IKBKE: variants seen among roughly 807,000 people sequenced by gnomAD.
IKBKE encodes inhibitor of nuclear factor kappa-B kinase subunit epsilon.
A neutral mutation model predicts 92.1 loss-of-function variants in IKBKE; 45 were observed. The observed-to-expected ratio is 0.49, with a 90% CI of 0.38 to 0.63. The LOEUF (loss-of-function observed/expected upper bound fraction) is 0.63. Among genes scored for constraint, IKBKE ranks in the 20% least tolerant of loss-of-function variants. The probability of loss-of-function intolerance (pLI) is 0.00; values close to 1 mark genes in which losing one functional copy is unlikely to be tolerated. For synonymous variants in IKBKE, 374 were observed against 380.3 expected, an observed-to-expected ratio of 0.98 and a Z score of 0.19; for missense variants, 700 against 932.8, an observed-to-expected ratio of 0.75 and a Z score of 3.25.
At chr1:206,493,843 G>A (rs1284902803) in intron 20 of IKBKE, 77 bp from the exon 21 acceptor site, 10 of 1,087,964 alleles carry the variant, frequency 9.2e-6, no homozygotes, top group East Asian at 4.7e-5. Context: ...TGCAGAGGAG[G>A]GTGGGCCTCC....
In IKBKE at chr1:206,487,352, C is replaced by T. The variant is rs868973586; in HGVS notation, c.1617-562C>T. Among the ~76,000 whole-genome samples, 2 of 152,248 alleles carry T rather than the reference C, an allele frequency of 1.3e-5. No homozygotes were observed. The highest frequency in any genetic ancestry group is 1.5e-5 in the Non-Finnish European group (1 of 68,044). ...CGGGAGATCATCTCCCCAGTTCCTC[C>T]GCCTCCGGGCAGGACCGAGGCCTGT... On this transcript the variant is annotated intron_variant, in intron 15 of 21. Transcript: ENST00000581977. The surrounding 1 kb of genome is among the most constrained non-coding windows in gnomAD (Gnocchi z 5.3).
chr1:206,478,045 C>T lies in IKBKE; in HGVS notation c.813-115C>T. 1.1e-6 allele frequency: 1 copy of T among 894,492 alleles called. No homozygotes were observed. The highest frequency in any genetic ancestry group is 2.3e-5 in the Admixed American group (1 of 43,750). 55.4% of individuals were successfully genotyped at this position (894,492 alleles called of 1,614,324 possible). ...CTCTTCCTCCCCAACCCACCCTGCC[C>T]CACCATCTTGGTCCTAGCTCTTCAG... On this transcript the variant is annotated intron_variant, in intron 8 of 21. Transcript: ENST00000581977. This position sits in a 1 kb window ranked among gnomAD's most constrained non-coding sequence, Gnocchi z 4.8.
chr1:206,477,882 G>A (rs1665157026), intron 8 of IKBKE, 23 bp downstream of exon 8: 2 of 1,453,310 alleles, frequency 1.4e-6, no homozygotes, highest in Non-Finnish European at 9.4e-7. Flanking sequence ...CTGCTGGGGG[G>A]TGATGCTGGA....
At position 206,478,538 on chromosome 1, in the gene IKBKE, G is replaced by T. The variant is rs532962538; in HGVS notation, c.992+199G>T. On this transcript the variant is annotated intron_variant, in intron 9 of 21. Transcript: ENST00000581977. The surrounding 1 kb of genome is among the most constrained non-coding windows in gnomAD (Gnocchi z 4.8). Reference sequence around the variant, plus strand: ...TTCTTGCATGTACTTCAGAGAGTCAGTACCTTTTCTAATGCTAATATGCAT... The same window carrying T: ...TTCTTGCATGTACTTCAGAGAGTCATTACCTTTTCTAATGCTAATATGCAT... Among the ~76,000 whole-genome samples the T allele has an allele frequency of 6.6e-6, 1 of 152,238 alleles. No individual in the cohort carries two copies. The highest frequency in any genetic ancestry group is 1.5e-5 in the Non-Finnish European group (1 of 68,050).
Position 206,478,269 on chromosome 1 carries a change from C to T in IKBKE, c.922C>T (p.Arg308Ter), listed in dbSNP as rs1410830322. The change falls in exon 9 of 22, where the codon CGA becomes TGA. Residue 308 changes from arginine (R) to a stop codon, truncating the protein, a stop_gained. Transcript: ENST00000581977. LOFTEE classifies it high-confidence loss of function. The surrounding 1 kb of genome is among the most constrained non-coding windows in gnomAD (Gnocchi z 4.8). ...TGCGGAGACCAGTGACATCCTGCAG[C>T]GAGTTGTCGTCCATGTCTTCTCCCT... ...FFAETSDILQ[R>*]VVVHVFSLSQ... 3.1e-6 allele frequency: 5 copies of T among 1,614,010 alleles called. No individual in the cohort carries two copies. Among genetic ancestry groups the T allele is most frequent in the African/African-American group, 2.7e-5 (2 of 74,916 alleles).
intron 18 of IKBKE, 43 bp from the exon 19 acceptor site, chr1:206,492,980 C>A: frequency 6.6e-7 from 1 of 1,521,094 alleles, no homozygotes; most frequent in Non-Finnish European, 8.9e-7. Context: ...GGGGAATGGG[C>A]TGAGTCCTGC....
In IKBKE at chr1:206,478,052, C is replaced by CAAG; in HGVS notation, c.813-108_813-107insAAG. On this transcript the variant is annotated intron_variant, in intron 8 of 21. Transcript: ENST00000581977. The surrounding 1 kb of genome is among the most constrained non-coding windows in gnomAD (Gnocchi z 4.8). The stretch of plus-strand genomic sequence containing the variant: ...TCCCCAACCCACCCTGCCCCACCAT[C>CAAG]TTGGTCCTAGCTCTTCAGGATATTC... 1 of 713,356 alleles carries CAAG rather than the reference C, an allele frequency of 1.4e-6. No homozygotes were observed. Among genetic ancestry groups the CAAG allele is most frequent in the Non-Finnish European group, 2.3e-6 (1 of 427,536 alleles). 44.2% of individuals were successfully genotyped at this position (713,356 alleles called of 1,614,324 possible).
intron 16 of IKBKE, among the ~76,000 whole-genome samples, chr1:206,488,503 C>A (rs1190445884): frequency 6.6e-6 from 1 of 152,114 alleles, no homozygotes; most frequent in Admixed American, 6.5e-5. Flanking sequence ...GTGGCAGGGG[C>A]AGCCCATTTA....
At position 206,485,141 on chromosome 1, in the gene IKBKE, C is replaced by G; in HGVS notation, c.1504-53C>G. ...GGGGCCCGTGTTCCAGCCAGCCTGC[C>G]CACCAGTGCCCAGGCTGAAGACCCC... On this transcript the variant is annotated intron_variant, in intron 14 of 21. Coordinates refer to ENST00000581977, the MANE Select transcript of IKBKE (RefSeq NM_014002.4). The surrounding 1 kb of genome is among the most constrained non-coding windows in gnomAD (Gnocchi z 5.0). The G allele has an allele frequency of 6.3e-7, 1 of 1,576,832 alleles. No homozygotes were observed. The highest frequency in any genetic ancestry group is 1.1e-5 in the South Asian group (1 of 90,314).
At position 206,485,596 on chromosome 1, in the gene IKBKE, G is replaced by T. The variant is rs543380423; in HGVS notation, c.1616+290G>T. On this transcript the variant is annotated intron_variant, in intron 15 of 21. Transcript: ENST00000581977. This position sits in a 1 kb window ranked among gnomAD's most constrained non-coding sequence, Gnocchi z 5.0. ...TAATTCTGAATAAAAGAAGACTTTA[G>T]TTCCCTTTCTCTGTGTCAGGCCCTT... Among the ~76,000 whole-genome samples the T allele has an allele frequency of 2.6e-5, 4 of 152,318 alleles. No individual in the cohort carries two copies. The highest frequency in any genetic ancestry group is 4.8e-5 in the African/African-American group (2 of 41,574).
At chr1:206,473,406 A>C in intron 3 of IKBKE, 92 bp downstream of exon 3, 1 of 902,064 alleles carries the variant, frequency 1.1e-6, no homozygotes, top group African/African-American at 1.7e-5. Flanking sequence ...GTGGGCATTG[A>C]GGGTGGTGGG....
rs149945657 is a variant in IKBKE at position 206,485,122 on chromosome 1, C to T, written c.1503+50C>T. 8.2e-6 allele frequency: 13 copies of T among 1,589,942 alleles called. No homozygotes were observed. Among genetic ancestry groups the T allele is most frequent in the South Asian group, 2.2e-5 (2 of 90,584 alleles). The stretch of plus-strand genomic sequence containing the variant: ...CTTAGCAGGATCAGAGCTGGGGGCC[C>T]GTGTTCCAGCCAGCCTGCCCACCAG... On this transcript the variant is annotated intron_variant, in intron 14 of 21. Transcript: ENST00000581977. The surrounding 1 kb of genome is among the most constrained non-coding windows in gnomAD (Gnocchi z 5.0).
intron 13 of IKBKE, among the ~76,000 whole-genome samples, chr1:206,481,326 G>A (rs1169543944): frequency 1.3e-5 from 2 of 152,130 alleles, no homozygotes; most frequent in Non-Finnish European, 2.9e-5. Context: ...CCCTCCTCCC[G>A]CCACCCCCAG....
In IKBKE at chr1:206,485,085, G is replaced by A. The variant is rs781878688; in HGVS notation, c.1503+13G>A. ...CAGGCTGCGGACTGTGAGTGAGGCT[G>A]GAGGGCAAGGGCTTAGCAGGATCAG... On this transcript the variant is annotated intron_variant, in intron 14 of 21. Coordinates refer to ENST00000581977, the MANE Select transcript of IKBKE (RefSeq NM_014002.4). This position sits in a 1 kb window ranked among gnomAD's most constrained non-coding sequence, Gnocchi z 5.0. The A allele has an allele frequency of 6.2e-7, 1 of 1,611,780 alleles. No individual in the cohort carries two copies. The highest frequency in any genetic ancestry group is 1.1e-5 in the South Asian group (1 of 91,030).
Position 206,474,910 on chromosome 1 carries a change from G to C in IKBKE, c.274G>C (p.Gly92Arg), listed in dbSNP as rs1664977315. 1 of 1,613,906 alleles carries C rather than the reference G, an allele frequency of 6.2e-7. No individual in the cohort carries two copies. Among genetic ancestry groups the C allele is most frequent in the Non-Finnish European group, 8.5e-7 (1 of 1,179,922 alleles). Residue 92 changes from glycine (G) to arginine (R), a missense_variant, in exon 5 of 22, where the codon GGG (glycine) becomes CGG (arginine). Gly to Arg is a moderately radical substitution (Grantham distance 125). Coordinates refer to ENST00000581977, the MANE Select transcript of IKBKE (RefSeq NM_014002.4). ...KVLVMEYCSS[G>R]SLLSVLESPE... ...ACTGGTGATGGAGTACTGCTCCAGT[G>C]GGAGCCTGCTGAGTGTGCTGGAGAG... is the stretch of plus-strand genomic sequence containing the variant.
chr1:206,491,786 T>A, intron 18 of IKBKE, 37 bp downstream of exon 18: 5 of 1,473,142 alleles, frequency 3.4e-6, no homozygotes, highest in South Asian at 1.1e-5. Context: ...GCCCAGGGCC[T>A]GGCCTGGCCC....
Position 206,485,407 on chromosome 1 carries a change from T to C in IKBKE, c.1616+101T>C. 1.4e-6 allele frequency: 1 copy of C among 720,424 alleles called. No individual in the cohort carries two copies. Among genetic ancestry groups the C allele is most frequent in the Non-Finnish European group, 2.5e-6 (1 of 400,824 alleles). The allele number at this position is 720,424 out of a possible 1,614,324, so 44.6% of individuals were successfully genotyped here. On this transcript the variant is annotated intron_variant, in intron 15 of 21. Transcript: ENST00000581977. The surrounding 1 kb of genome is among the most constrained non-coding windows in gnomAD (Gnocchi z 5.0). The stretch of plus-strand genomic sequence containing the variant: ...TTTTAGACGTCAGCTTGCATTCCCC[T>C]TTCTCTTGGCAAGGGTGCTAGGGCA...
In IKBKE at chr1:206,478,295, G is replaced by C. The variant is rs782229622; in HGVS notation, c.948G>C (p.Leu316=). ...LQRVVVHVFS[L]SQAVLHHIYI... ...GAGTTGTCGTCCATGTCTTCTCCCT[G>C]TCCCAGGCAGTCCTGCACCACATCT... The change falls in exon 9 of 22, where the codon CTG becomes CTC. Residue 316 remains leucine, a synonymous_variant. Coordinates refer to ENST00000581977, the MANE Select transcript of IKBKE (RefSeq NM_014002.4). The surrounding 1 kb of genome is among the most constrained non-coding windows in gnomAD (Gnocchi z 4.8). The C allele has an allele frequency of 6.2e-7, 1 of 1,614,012 alleles. No individual in the cohort carries two copies. The highest frequency in any genetic ancestry group is 8.5e-7 in the Non-Finnish European group (1 of 1,180,036).
At chr1:206,475,576 A>G (rs1665018032) in intron 5 of IKBKE, among the ~76,000 whole-genome samples, 1 of 152,132 alleles carries the variant, frequency 6.6e-6, no homozygotes. Context: ...CTCTACTAAA[A>G]AAATACAAAA....
Sources: gnomAD v4.1 joint callset for allele counts (sites outside exome capture counted in the v4.1 genomes callset) on GRCh38, gnomAD v4.1.1 for gene constraint, Gnocchi (gnomAD v3.1) non-coding constraint, MANE v1.5 for transcripts, NCBI Gene and HGNC (gene_info 2026-07-23, HGNC 2026-07-21) for gene names.